Variants in A2M observed in about 807,000 individuals in gnomAD.
A2M encodes the protein C3 and PZP-like alpha-2-macroglobulin domain-containing protein 5.
A2M carries 128 observed loss-of-function variants against 183.9 expected under a neutral mutation model. That is an observed-to-expected ratio of 0.70 (90% CI 0.60 to 0.81). The LOEUF (loss-of-function observed/expected upper bound fraction) is 0.81. Among genes scored for constraint, A2M ranks in the 30% least tolerant of loss-of-function variants. The pLI is 0.00. For missense variants in A2M, 1,495 were observed against 1,787.6 expected, an observed-to-expected ratio of 0.84 and a Z score of 2.95; for synonymous variants, 592 against 670.8, an observed-to-expected ratio of 0.88 and a Z score of 1.81.
In A2M at chr12:9,091,406, C is replaced by T. The variant is rs755591531; in HGVS notation, c.2264G>A (p.Gly755Glu). 3 of 1,614,166 alleles carry T rather than the reference C, an allele frequency of 1.9e-6. No individual in the cohort carries two copies. Among genetic ancestry groups the T allele is most frequent in the Middle Eastern group, 1.7e-4 (1 of 6,060 alleles). ...VVNSAGVAEV[G>E]VTVPDTITEW... ...GGTGATGGTGTCAGGGACTGTTACT[C>T]CTACCTCAGCCACACCTGCTGAGCT... The change falls in exon 19 of 36, where the codon GGA (glycine) becomes GAA (glutamate). Residue 755 changes from glycine (G) to glutamate (E), a missense_variant. Coordinates refer to ENST00000318602, the MANE Select transcript of A2M (RefSeq NM_000014.6).
rs1463177829 is a variant in A2M, at chr12:9,101,617, C to T, written c.1324G>A (p.Glu442Lys). Residue 442 changes from glutamate (E) to lysine (K), a missense_variant, in exon 12 of 36, where the codon GAA (glutamate) becomes AAA (lysine). Glu to Lys is a moderately conservative substitution (Grantham distance 56, BLOSUM62 1). Transcript: ENST00000318602. ...AGATAAGCAGTGTGATGTGCCTCTTCGTGTTCTTCTGACACCCACTGGTAG... is the reference window on the plus strand; with the variant it reads ...AGATAAGCAGTGTGATGTGCCTCTTTGTGTTCTTCTGACACCCACTGGTAG... ...YGYQWVSEEH[E>K]EAHHTAYLVF... 6.2e-7 allele frequency: 1 copy of T among 1,613,986 alleles called. No individual in the cohort carries two copies. The highest frequency in any genetic ancestry group is 1.7e-5 in the Admixed American group (1 of 60,024).
intron 15 of A2M, among the ~76,000 whole-genome samples, chr12:9,097,119 T>G (rs1303682501): frequency 6.6e-6 from 1 of 152,194 alleles, no homozygotes; most frequent in Non-Finnish European, 1.5e-5. Context: ...GAAAAATTCT[T>G]TGAGAATTAT....
At chr12:9,101,098 A>G (rs755655330) in intron 13 of A2M, 46 bp downstream of exon 13, 16 of 1,527,006 alleles carry the variant, frequency 1.0e-5, no homozygotes, top group Non-Finnish European at 1.4e-5. Flanking sequence ...GTAAGGCTGA[A>G]TGGGTCAGAA....
chr12:9,089,296 C>G (rs1388388443), intron 21 of A2M, 45 bp from the exon 22 acceptor site: 4 of 1,374,666 alleles, frequency 2.9e-6, no homozygotes, highest in Non-Finnish European at 4.1e-6. Context: ...GACTGACCTT[C>G]AGAACATGTG....
intron 13 of A2M, among the ~76,000 whole-genome samples, chr12:9,100,899 G>C (rs1937781807): frequency 6.6e-6 from 1 of 152,112 alleles, no homozygotes; most frequent in Non-Finnish European, 1.5e-5. Flanking sequence ...GTGGATTCAG[G>C]GGGAAGGGTG....
Position 9,110,302 on chromosome 12 carries a change from C to A in A2M, c.504+12G>T. ...GCTTTCCTTTTAATATGGAATGTTT[C>A]ATGTTGCTTACCTGAATGTATACTA... is the stretch of plus-strand genomic sequence containing the variant. On this transcript the variant is annotated intron_variant, in intron 5 of 35. Transcript: ENST00000318602. 1 of 1,468,700 alleles carries A rather than the reference C, an allele frequency of 6.8e-7. No homozygotes were observed. Among genetic ancestry groups the A allele is most frequent in the South Asian group, 1.3e-5 (1 of 77,404 alleles). The allele number at this position is 1,468,700 out of a possible 1,614,324, so 91.0% of individuals were successfully genotyped here. A position where few individuals can be genotyped will look rare whatever the true frequency, so the allele number is the denominator to read the frequency against.
At chr12:9,089,089 G>T (rs1592356546) in intron 22 of A2M, 111 bp downstream of exon 22, 2 of 835,904 alleles carry the variant, frequency 2.4e-6, no homozygotes, top group Non-Finnish European at 3.7e-6. Flanking sequence ...ATGCATTGAT[G>T]GTGCTTCAGG....
rs748757121 is a variant in A2M at position 9,112,112 on chromosome 12, G to T, written c.483+47C>A. The T allele has an allele frequency of 1.9e-6, 3 of 1,585,024 alleles. No homozygotes were observed. In the South Asian group the frequency reaches 3.3e-5, roughly 18 times the overall value. ...CCTCAGCACAAAAAACAGGTTCCCA[G>T]CCTGTTTATACAGACAATCATTTTA... On this transcript the variant is annotated intron_variant, in intron 4 of 35. Coordinates refer to ENST00000318602, the MANE Select transcript of A2M (RefSeq NM_000014.6).
At chr12:9,086,629 A>G (rs1949059576) in intron 22 of A2M, among the ~76,000 whole-genome samples, 1 of 152,226 alleles carries the variant, frequency 6.6e-6, no homozygotes. Flanking sequence ...TAGATATACA[A>G]GCAATGTTCC....
intron 21 of A2M, 128 bp downstream of exon 21, chr12:9,089,774 A>G (rs1949152907): frequency 2.8e-6 from 2 of 716,038 alleles, no homozygotes; most frequent in Non-Finnish European, 2.0e-6. Flanking sequence ...ACAAAACAGA[A>G]AGTAAATCAA....
chr12:9,112,170 G>C lies in A2M; in HGVS notation c.472C>G (p.Leu158Val), dbSNP rs762272765. 6.2e-7 allele frequency: 1 copy of C among 1,613,706 alleles called. No individual in the cohort carries two copies. The highest frequency in any genetic ancestry group is 8.5e-7 in the Non-Finnish European group (1 of 1,179,700). Residue 158 changes from leucine to valine, a missense_variant, in exon 4 of 36, where the codon CTG becomes GTG. Leu to Val is a conservative substitution (Grantham distance 32). Transcript: ENST00000318602. ...VVSMDENFHP[L>V]NELIPLVYIQ... ...AATAGAAAACTCACCAACTCATTCA[G>C]GGGGTGAAAGTTTTCATCCATGGAG...
At chr12:9,077,068 GAT>G in intron 27 of A2M, 132 bp from the exon 28 acceptor site, 1 of 756,010 alleles carries the variant, frequency 1.3e-6, no homozygotes, top group Non-Finnish European at 2.0e-6. Context: ...CTTATCAATA[GAT>G]ATAATATTAT....
In A2M at chr12:9,099,892, C is replaced by G. The variant is rs146247149; in HGVS notation, c.1559-369G>C. 4.7e-3 allele frequency among the ~76,000 whole-genome samples: 723 copies of G among 152,332 alleles called. 3 individuals carry two copies. Among genetic ancestry groups the G allele is most frequent in the Non-Finnish European group, 7.2e-3 (491 of 68,034 alleles). On this transcript the variant is annotated intron_variant, in intron 13 of 35. Transcript: ENST00000318602. ...TTCATGCTACATGCTCTTTAACCTT[C>G]TATGAGCCAATATTTGGTTCTTTCT...
chr12:9,101,087 T>C (rs1296193234), intron 13 of A2M, 57 bp downstream of exon 13: 16 of 1,478,480 alleles, frequency 1.1e-5, no homozygotes, highest in African/African-American at 2.8e-5. Context: ...ACTTCCGTGG[T>C]GTAAGGCTGA....
At chr12:9,071,324 C>G (rs1948570691) in intron 31 of A2M, among the ~76,000 whole-genome samples, 1 of 152,014 alleles carries the variant, frequency 6.6e-6, no homozygotes, top group South Asian at 2.1e-4. Context: ...TGGCTTTCAA[C>G]AAAACACTTA....
intron 19 of A2M, 135 bp downstream of exon 19, chr12:9,091,065 CA>C (rs35416682): frequency 1.7e-6 from 2 of 1,177,776 alleles, no homozygotes; most frequent in Non-Finnish European, 2.4e-6. Flanking sequence ...TTGGAGATCT[CA>C]AAACCTGTAA....
At position 9,110,203 on chromosome 12, in the gene A2M, G is replaced by C. The variant is rs141028314; in HGVS notation, c.504+111C>G. ...CATCTAGCTCTATGGGAGTTTGAAG[G>C]CTTCTCCTTTAATGACAAGTTTCTG... On this transcript the variant is annotated intron_variant, in intron 5 of 35. Coordinates refer to ENST00000318602, the MANE Select transcript of A2M (RefSeq NM_000014.6). 737 of 1,137,612 alleles carry C rather than the reference G, an allele frequency of 6.5e-4. 4 individuals carry two copies. In the African/African-American group the frequency reaches 9.9e-3, roughly 15 times the overall value. 70.5% of individuals were successfully genotyped at this position (1,137,612 alleles called of 1,614,324 possible).
Position 9,104,148 on chromosome 12 carries a change from C to T in A2M, c.1266+91G>A, listed in dbSNP as rs1565599674. On this transcript the variant is annotated intron_variant, in intron 11 of 35. Coordinates refer to ENST00000318602, the MANE Select transcript of A2M (RefSeq NM_000014.6). ...TGCTAGTTTTTTTCTCTCCATAGAA[C>T]TAGACACAGTTTGGAAATTTTCTCA... 5.3e-6 allele frequency: 7 copies of T among 1,327,006 alleles called. No individual in the cohort carries two copies. The East Asian group carries it at 1.5e-4, about 28-fold the overall frequency. The allele number at this position is 1,327,006 out of a possible 1,614,324, so 82.2% of individuals were successfully genotyped here.
At chr12:9,068,052 C>G in intron 35 of A2M, 131 bp downstream of exon 35, 1 of 1,147,792 alleles carries the variant, frequency 8.7e-7, no homozygotes, top group Non-Finnish European at 1.3e-6. Context: ...ATGTGTTTTT[C>G]TATAATAATG....
Sources: allele counts gnomAD v4.1 joint callset (sites outside exome capture counted in the v4.1 genomes callset), GRCh38; gene constraint gnomAD v4.1.1; transcripts MANE v1.5; gene names NCBI Gene and HGNC (gene_info 2026-07-23, HGNC 2026-07-21).